HIVEP3: variants seen among roughly 807,000 people sequenced by gnomAD.
HIVEP3 encodes HIVEP zinc finger 3.
In HIVEP3, 49 loss-of-function variants were observed where a neutral mutation model predicts 152.8. The ratio of observed to expected loss-of-function variants is 0.32; its 90% CI spans 0.26 to 0.41. The LOEUF (loss-of-function observed/expected upper bound fraction) is 0.41. Among genes scored for constraint, HIVEP3 ranks in the 10% least tolerant of loss-of-function variants. HIVEP3 has a pLI of 1.00. For synonymous variants in HIVEP3, 1,269 were observed against 1,289.0 expected, an observed-to-expected ratio of 0.98 and a Z score of 0.33; for missense variants, 2,790 against 3,103.3, an observed-to-expected ratio of 0.90 and a Z score of 2.40.
chr1:41,980,207 A>G, intron 1 of HIVEP3, among the ~76,000 whole-genome samples: 1 of 152,256 alleles, frequency 6.6e-6, no homozygotes, highest in East Asian at 1.9e-4. Flanking sequence ...ATTCCCTAGT[A>G]AGTATCTAAG....
chr1:41,610,905 C>T (rs933283257), intron 3 of HIVEP3, among the ~76,000 whole-genome samples: 1 of 152,188 alleles, frequency 6.6e-6, no homozygotes, highest in African/African-American at 2.4e-5. Flanking sequence ...TGAGACCCCC[C>T]AAGCTCCCAC....
At chr1:41,579,639 C>T in intron 4 of HIVEP3, 98 bp downstream of exon 4, 1 of 1,396,840 alleles carries the variant, frequency 7.2e-7, no homozygotes, top group Non-Finnish European at 9.7e-7. Flanking sequence ...TAGTCTGGCT[C>T]TAGTTCTGCA....
intron 2 of HIVEP3, among the ~76,000 whole-genome samples, chr1:41,684,914 T>G (rs900501748): frequency 1.3e-5 from 2 of 152,230 alleles, no homozygotes; most frequent in Non-Finnish European, 2.9e-5. Context: ...TTCTGTCTGA[T>G]TCCAGAGCCT....
rs144301589 is a variant in HIVEP3 at position 41,663,692 on chromosome 1, G to C, written c.-720-34745C>G. Reference sequence around the variant, plus strand: ...CTTCTAAGAGGCACTACATTCCTAGGGGCAGAGAGGAGGAAGCTATGGCTC... The same window carrying C: ...CTTCTAAGAGGCACTACATTCCTAGCGGCAGAGAGGAGGAAGCTATGGCTC... On this transcript the variant is annotated intron_variant, in intron 2 of 8. Transcript: ENST00000372583. 8.5e-3 allele frequency among the ~76,000 whole-genome samples: 1,298 copies of C among 152,242 alleles called. 24 individuals are homozygous for C. The highest frequency in any genetic ancestry group is 0.03 in the African/African-American group (1,237 of 41,532).
At position 41,581,537 on chromosome 1, in the gene HIVEP3, C is replaced by G. The variant is rs17363472; in HGVS notation, c.3261G>C (p.Gln1087His). The G allele has an allele frequency of 0.055, 88,706 of 1,598,764 alleles. 2,923 individuals are homozygous for G. The highest frequency in any genetic ancestry group is 0.11 in the Middle Eastern group (642 of 5,974). Residue 1087 changes from glutamine to histidine, a missense_variant, in exon 4 of 9, where the codon CAG becomes CAC. Coordinates refer to ENST00000372583, the MANE Select transcript of HIVEP3 (RefSeq NM_024503.5). The surrounding 1 kb of genome is among the most constrained non-coding windows in gnomAD (Gnocchi z 4.5). ...CATGTGAGGTGGCCGCAGAGGAAAT[C>G]TGGGACAATGAGCTTTTGGCAGAGG... Reference protein sequence around the residue: ...SKPSAKSSLSQISSAATSHGG... With the variant: ...SKPSAKSSLSHISSAATSHGG...
chr1:42,031,400 T>C (rs1385543023), intron 1 of HIVEP3, among the ~76,000 whole-genome samples: 1 of 152,236 alleles, frequency 6.6e-6, no homozygotes, highest in African/African-American at 2.4e-5. Context: ...TTCTTCCCTT[T>C]AAACTCAATT....
At chr1:41,706,195 C>G (rs1646430858) in intron 1 of HIVEP3, among the ~76,000 whole-genome samples, 1 of 152,216 alleles carries the variant, frequency 6.6e-6, no homozygotes, top group African/African-American at 2.4e-5. Context: ...GGTAGTTTTT[C>G]AACCCTTACC....
intron 1 of HIVEP3, among the ~76,000 whole-genome samples, chr1:41,874,061 T>C (rs2124417275): frequency 6.6e-6 from 1 of 152,276 alleles, no homozygotes; most frequent in Middle Eastern, 3.4e-3. Context: ...CCCACCTGAG[T>C]TCATAATGAC....
chr1:41,551,336 TC>T (rs1643891783), intron 5 of HIVEP3, among the ~76,000 whole-genome samples: 1 of 55,974 alleles, frequency 1.8e-5, no homozygotes, highest in South Asian at 5.9e-4. Flanking sequence ...TCTAAAATTC[TC>T]TTTTTTTTTG....
In HIVEP3 at chr1:41,581,800, A is replaced by G; in HGVS notation, c.2998T>C (p.Ser1000Pro). ...GTCTCGGTCATGTGGGCAGAATGGGAAACGTTGGGGCTCTGCTCTGAGGCT... is the reference window on the plus strand; with the variant it reads ...GTCTCGGTCATGTGGGCAGAATGGGGAACGTTGGGGCTCTGCTCTGAGGCT... The part of the protein sequence containing the change: ...RSASEQSPNV[S>P]HSAHMTETRS... The change falls in exon 4 of 9, where the codon TCC becomes CCC. Residue 1000 changes from serine (S) to proline (P), a missense_variant. By Grantham distance (74) the Ser-to-Pro change is moderately conservative. Around this residue, in one of 9 missense-constraint regions of HIVEP3, gnomAD observed 1,078 missense variants for 1,165.3 expected, o/e 0.93. Coordinates refer to ENST00000372583, the MANE Select transcript of HIVEP3 (RefSeq NM_024503.5). The surrounding 1 kb of genome is among the most constrained non-coding windows in gnomAD (Gnocchi z 4.5). 1 of 1,586,130 alleles carries G rather than the reference A, an allele frequency of 6.3e-7. No homozygotes were observed. Among genetic ancestry groups the G allele is most frequent in the South Asian group, 1.2e-5 (1 of 85,772 alleles).
chr1:41,985,912 G>GTC (rs1164606353), intron 1 of HIVEP3, among the ~76,000 whole-genome samples: 4 of 152,076 alleles, frequency 2.6e-5, no homozygotes, highest in Non-Finnish European at 5.9e-5. Flanking sequence ...TAAACATTAA[G>GTC]TCTCTTCTGT....
chr1:41,922,028 T>C (rs1644944681), upstream of HIVEP3, among the ~76,000 whole-genome samples: 2 of 152,162 alleles, frequency 1.3e-5, no homozygotes, highest in Admixed American at 6.5e-5. Context: ...ATTAGCCTAA[T>C]AGGAGTTCCA....
chr1:41,537,322 G>A (rs1643425629), intron 5 of HIVEP3, among the ~76,000 whole-genome samples: 1 of 152,190 alleles, frequency 6.6e-6, no homozygotes, highest in African/African-American at 2.4e-5. Context: ...TGATCTGGTT[G>A]CCAAATATGC....
chr1:41,771,522 C>T (rs535245289), intron 1 of HIVEP3, among the ~76,000 whole-genome samples: 4 of 152,298 alleles, frequency 2.6e-5, no homozygotes, highest in Admixed American at 1.3e-4. Context: ...CTCCCTGCCC[C>T]GCGTGTCTAC....
intron 1 of HIVEP3, among the ~76,000 whole-genome samples, chr1:42,007,200 T>C (rs1370694815): frequency 1.3e-5 from 2 of 152,200 alleles, no homozygotes; most frequent in African/African-American, 4.8e-5. Flanking sequence ...GCCTGATCAA[T>C]TGCATGTACC....
At chr1:41,860,362 T>C (rs1643872354) in intron 1 of HIVEP3, among the ~76,000 whole-genome samples, 1 of 152,202 alleles carries the variant, frequency 6.6e-6, no homozygotes, top group Non-Finnish European at 1.5e-5. Flanking sequence ...CAAAGACTCC[T>C]AAGGTGGGGC....
intron 2 of HIVEP3, among the ~76,000 whole-genome samples, chr1:41,634,688 C>T (rs982229849): frequency 4.6e-5 from 7 of 152,024 alleles, no homozygotes; most frequent in South Asian, 2.1e-4. Context: ...GAAAATAATG[C>T]GAGAAAGCCA....
At chr1:41,817,665 T>C (rs1642451879) in intron 1 of HIVEP3, among the ~76,000 whole-genome samples, 1 of 152,202 alleles carries the variant, frequency 6.6e-6, no homozygotes, top group African/African-American at 2.4e-5. Flanking sequence ...AAGGTGACAG[T>C]TACCCCTTGC....
intron 2 of HIVEP3, among the ~76,000 whole-genome samples, chr1:41,631,309 G>A (rs996533552): frequency 2.0e-5 from 3 of 152,142 alleles, no homozygotes; most frequent in East Asian, 1.9e-4. Flanking sequence ...GCTGTGCCTG[G>A]CAAGTGGGGC....
Sources: allele counts gnomAD v4.1 joint callset (sites outside exome capture counted in the v4.1 genomes callset), GRCh38; gene constraint gnomAD v4.1.1; regional missense constraint gnomAD v4.1.1; non-coding constraint Gnocchi (gnomAD v3.1); transcripts MANE v1.5; gene names NCBI Gene and HGNC (gene_info 2026-07-23, HGNC 2026-07-21).